NAALADL2: variants seen among roughly 807,000 people sequenced by gnomAD.
NAALADL2 encodes N-acetylated alpha-linked acidic dipeptidase like 2, also known as inactive N-acetylated-alpha-linked acidic dipeptidase-like protein 2.
A neutral mutation model predicts 87.2 loss-of-function variants in NAALADL2; 76 were observed. The observed-to-expected ratio is 0.87, with a 90% CI of 0.72 to 1.05. NAALADL2 has a LOEUF of 1.05. NAALADL2 is among the 50% of genes least tolerant of loss of function. The pLI is 0.00. For missense variants in NAALADL2, 1,089 were observed against 945.8 expected, an observed-to-expected ratio of 1.15 and a Z score of -1.99; for synonymous variants, 354 against 331.0, an observed-to-expected ratio of 1.07 and a Z score of -0.75.
chr3:175,780,796 G>A (rs1415413224), intron 13 of NAALADL2, among the ~76,000 whole-genome samples: 1 of 152,132 alleles, frequency 6.6e-6, no homozygotes, highest in Non-Finnish European at 1.5e-5. Flanking sequence ...AACATGTCAA[G>A]ATTTTAAGAA....
chr3:174,945,941 G>A (rs1376269252), intron 1 of NAALADL2, among the ~76,000 whole-genome samples: 1 of 151,412 alleles, frequency 6.6e-6, no homozygotes, highest in Admixed American at 6.6e-5. Flanking sequence ...AGCTGATTGG[G>A]AGGCTGAGGC....
chr3:175,458,537 AATAT>A (rs1722660850), intron 6 of NAALADL2, among the ~76,000 whole-genome samples: 1 of 147,876 alleles, frequency 6.8e-6, no homozygotes, highest in Admixed American at 6.8e-5. Flanking sequence ...TTTTATATAT[AATAT>A]ATAATTAAAA....
chr3:174,651,957 C>T (rs1383422218), intron 2 of NAALADL2, among the ~76,000 whole-genome samples: 1 of 152,248 alleles, frequency 6.6e-6, no homozygotes, highest in East Asian at 1.9e-4. Context: ...GAGTACATTA[C>T]CAGCACACTA....
At chr3:174,555,534 T>C (rs1229431626) in intron 2 of NAALADL2, among the ~76,000 whole-genome samples, 1 of 152,042 alleles carries the variant, frequency 6.6e-6, no homozygotes, top group Non-Finnish European at 1.5e-5. Context: ...TCCTGACCTC[T>C]GGTGGTCCGC....
chr3:175,315,040 A>T (rs1396918880), intron 4 of NAALADL2, among the ~76,000 whole-genome samples: 3 of 152,064 alleles, frequency 2.0e-5, no homozygotes, highest in African/African-American at 7.2e-5. Flanking sequence ...GACAAAATAC[A>T]ATGTCACTTG....
intron 2 of NAALADL2, among the ~76,000 whole-genome samples, chr3:175,222,071 A>C (rs2109357810): frequency 6.6e-6 from 1 of 152,174 alleles, no homozygotes; most frequent in African/African-American, 2.4e-5. Flanking sequence ...TTGTGAAAAA[A>C]AATATAGCTG....
intron 4 of NAALADL2, among the ~76,000 whole-genome samples, chr3:175,312,670 C>T (rs184965714): frequency 6.6e-6 from 1 of 152,276 alleles, no homozygotes; most frequent in East Asian, 1.9e-4. Context: ...TTGATTCCTG[C>T]CATTACCACT....
intron 2 of NAALADL2, among the ~76,000 whole-genome samples, chr3:174,719,826 G>T (rs559998629): frequency 1.2e-3 from 178 of 152,258 alleles, no homozygotes; most frequent in African/African-American, 4.2e-3. Context: ...ATGGAGTCTT[G>T]CTCTGTTGCC....
intron 3 of NAALADL2, among the ~76,000 whole-genome samples, chr3:174,740,225 G>A (rs1169482275): frequency 1.3e-5 from 2 of 152,024 alleles, no homozygotes; most frequent in Middle Eastern, 3.4e-3. Flanking sequence ...CTCACCCACT[G>A]AACCCATTGT....
intron 1 of NAALADL2, among the ~76,000 whole-genome samples, chr3:174,468,629 T>G (rs1466683081): frequency 6.6e-6 from 1 of 151,650 alleles, no homozygotes; most frequent in African/African-American, 2.4e-5. Flanking sequence ...GATCTGCCCC[T>G]CTTGGCCTCC....
chr3:174,818,357 T>C (rs1721023462), intron 3 of NAALADL2, among the ~76,000 whole-genome samples: 1 of 152,036 alleles, frequency 6.6e-6, no homozygotes, highest in Non-Finnish European at 1.5e-5. Context: ...GAAATACCCC[T>C]AACTGCGGAG....
chr3:174,823,409 G>A (rs928470464), intron 3 of NAALADL2, among the ~76,000 whole-genome samples: 3 of 152,118 alleles, frequency 2.0e-5, no homozygotes, highest in African/African-American at 7.2e-5. Flanking sequence ...TGGAGCATGA[G>A]GCTGCAGTAT....
chr3:174,791,517 G>A (rs1370335360), intron 3 of NAALADL2, among the ~76,000 whole-genome samples: 2 of 152,150 alleles, frequency 1.3e-5, no homozygotes, highest in Non-Finnish European at 2.9e-5. Flanking sequence ...CTGGAACTGT[G>A]AGAAATACAT....
intron 9 of NAALADL2, among the ~76,000 whole-genome samples, chr3:175,495,809 GGAA>G (rs1386610858): frequency 6.6e-6 from 1 of 151,880 alleles, no homozygotes; most frequent in African/African-American, 2.4e-5. Flanking sequence ...TGTCTAAGGA[GGAA>G]GGTTAATCAC....
intron 5 of NAALADL2, among the ~76,000 whole-genome samples, chr3:175,445,293 T>G (rs1720512867): frequency 6.6e-6 from 1 of 152,228 alleles, no homozygotes; most frequent in Admixed American, 6.5e-5. Context: ...ATCTTATTTT[T>G]ATTTTTTATT....
At chr3:175,503,992 G>A (rs894788665) in intron 9 of NAALADL2, among the ~76,000 whole-genome samples, 3 of 152,074 alleles carry the variant, frequency 2.0e-5, no homozygotes, top group Admixed American at 6.6e-5. Flanking sequence ...TCTTCGTCAC[G>A]AAATTTTTGC....
At chr3:174,816,448 CAG>C (rs1290757218) in intron 3 of NAALADL2, among the ~76,000 whole-genome samples, 1 of 149,016 alleles carries the variant, frequency 6.7e-6, no homozygotes, top group Non-Finnish European at 1.5e-5. Flanking sequence ...GTATGAGAGA[CAG>C]AGGGAGAGAC....
At chr3:174,849,282 C>T (rs374854087) in intron 3 of NAALADL2, among the ~76,000 whole-genome samples, 1 of 152,104 alleles carries the variant, frequency 6.6e-6, no homozygotes, top group Non-Finnish European at 1.5e-5. Context: ...ACTTTACAAA[C>T]TTTTTATTAT....
intron 3 of NAALADL2, among the ~76,000 whole-genome samples, chr3:175,246,327 T>C (rs1220870552): frequency 6.6e-6 from 1 of 152,178 alleles, no homozygotes; most frequent in African/African-American, 2.4e-5. Context: ...TAGTTTGTCA[T>C]TATCAGAAAT....
Sources: gnomAD v4.1 joint callset for allele counts (sites outside exome capture counted in the v4.1 genomes callset) on GRCh38, gnomAD v4.1.1 for gene constraint, MANE v1.5 for transcripts, NCBI Gene and HGNC (gene_info 2026-07-23, HGNC 2026-07-21) for gene names.